Variants in STX8 observed in about 807,000 individuals in gnomAD.
STX8 encodes syntaxin-8.
STX8 carries 23 observed loss-of-function variants against 37.5 expected under a neutral mutation model. The observed-to-expected ratio is 0.61, with a 90% confidence interval of 0.44 to 0.87. The LOEUF (loss-of-function observed/expected upper bound fraction) is 0.87. STX8 is among the 40% of genes least tolerant of loss of function. The pLI, the probability that STX8 is intolerant of heterozygous loss-of-function variation, is 0.00. For synonymous variants in STX8, 115 were observed against 99.1 expected (o/e 1.16, Z -0.95); for missense variants, 313 against 284.7 (o/e 1.10, Z -0.71).
chr17:9,575,709 A>T, intron 1 of STX8, 83 bp downstream of exon 1: 1 of 1,505,072 alleles, frequency 6.6e-7, no homozygotes. Context: ...CACCAGCGGC[A>T]ATGCGAAGTG....
intron 6 of STX8, among the ~76,000 whole-genome samples, chr17:9,487,730 G>A (rs1005827039): frequency 1.3e-5 from 2 of 152,168 alleles, no homozygotes; most frequent in African/African-American, 2.4e-5. Context: ...CAGGGGAGGT[G>A]TGGGGGAAGC....
In STX8 at chr17:9,355,048, A is replaced by G. The variant is rs904735937; in HGVS notation, c.643+23504T>C. On this transcript the variant is annotated intron_variant, in intron 7 of 7. Coordinates refer to ENST00000306357, the MANE Select transcript of STX8 (RefSeq NM_004853.3). ...CTGTTGTCCCCTACCTCCCACCCCT[A>G]GGGAGGCAGAAACTTCTCTTTAACT... is the stretch of plus-strand genomic sequence containing the variant. 1.7e-4 allele frequency among the ~76,000 whole-genome samples: 26 copies of G among 152,246 alleles called. 1 individual carries two copies. Among genetic ancestry groups the G allele is most frequent in the African/African-American group, 6.3e-4 (26 of 41,558 alleles).
chr17:9,321,245 A>G (rs909267579), intron 7 of STX8, among the ~76,000 whole-genome samples: 1 of 152,104 alleles, frequency 6.6e-6, no homozygotes, highest in African/African-American at 2.4e-5. Flanking sequence ...AAAATCAAAA[A>G]TAGGCCAGGC....
intron 6 of STX8, among the ~76,000 whole-genome samples, chr17:9,488,234 G>A (rs1001659383): frequency 2.0e-5 from 3 of 151,876 alleles, no homozygotes; most frequent in African/African-American, 7.3e-5. Flanking sequence ...GCTGAATCAG[G>A]AGAATCGCTT....
At chr17:9,352,737 C>T (rs966825505) in intron 7 of STX8, among the ~76,000 whole-genome samples, 21 of 151,286 alleles carry the variant, frequency 1.4e-4, no homozygotes, top group Non-Finnish European at 1.0e-4. Flanking sequence ...CTCCTGACCT[C>T]GTGATCCACC....
chr17:9,279,241 G>A (rs1597580526), intron 7 of STX8, among the ~76,000 whole-genome samples: 1 of 151,966 alleles, frequency 6.6e-6, no homozygotes. Context: ...ATTTTTAGTA[G>A]AGACAGGGTT....
Position 9,378,593 on chromosome 17 carries a change from G to C in STX8, c.602C>G (p.Thr201Ser). Residue 201 changes from threonine (T) to serine (S), a missense_variant, in exon 7 of 8, where the codon ACC becomes AGC. Thr to Ser is a moderately conservative substitution (Grantham distance 58). Transcript: ENST00000306357. ...TCTGTCCACCATGTTTACCCGCCTG[G>C]TTTCATTGCGAAGTTTTTCATCTGT... is the stretch of plus-strand genomic sequence containing the variant. Reference protein sequence around the residue: ...ENTDEKLRNETRRVNMVDRKS... With the variant: ...ENTDEKLRNESRRVNMVDRKS... 1 of 1,613,830 alleles carries C rather than the reference G, an allele frequency of 6.2e-7. No individual in the cohort carries two copies. Among genetic ancestry groups the C allele is most frequent in the Non-Finnish European group, 8.5e-7 (1 of 1,179,822 alleles).
chr17:9,574,927 ATTC>A (rs933165726), intron 1 of STX8, among the ~76,000 whole-genome samples: 4 of 152,250 alleles, frequency 2.6e-5, no homozygotes, highest in Admixed American at 1.3e-4. Flanking sequence ...CTTGGAATCC[ATTC>A]TTCTAATATC....
In STX8 at chr17:9,545,230, G is replaced by A. The variant is rs550108459; in HGVS notation, c.265C>T (p.Arg89Ter). 4 of 1,614,058 alleles carry A rather than the reference G, an allele frequency of 2.5e-6. No homozygotes were observed. Among genetic ancestry groups the A allele is most frequent in the South Asian group, 2.2e-5 (2 of 91,072 alleles). ...RQNLLDDLVT[R>*]ERLLLASFKN... ...AAGGATGCCAGAAGTAGTCTCTCTCGAGTTACAAGATCATCCAAGAGGTTC... is the reference window on the plus strand; with the variant it reads ...AAGGATGCCAGAAGTAGTCTCTCTCAAGTTACAAGATCATCCAAGAGGTTC... The change falls in exon 4 of 8, where the codon CGA becomes TGA. Residue 89 changes from arginine (R) to a stop codon, truncating the protein, a stop_gained. Transcript: ENST00000306357. LOFTEE classifies it high-confidence loss of function.
intron 6 of STX8, among the ~76,000 whole-genome samples, chr17:9,381,995 A>G (rs1338072733): frequency 1.3e-5 from 2 of 151,752 alleles, no homozygotes; most frequent in African/African-American, 4.9e-5. Flanking sequence ...AAACAAACAA[A>G]CAATGTCCTA....
intron 6 of STX8, among the ~76,000 whole-genome samples, chr17:9,489,979 T>G (rs1906782530): frequency 6.6e-6 from 1 of 152,068 alleles, no homozygotes; most frequent in Non-Finnish European, 1.5e-5. Flanking sequence ...TGAGCCACCG[T>G]GCCCGGCCTA....
chr17:9,391,993 C>T (rs746734824), intron 6 of STX8, among the ~76,000 whole-genome samples: 20 of 152,114 alleles, frequency 1.3e-4, no homozygotes, highest in Non-Finnish European at 2.2e-4. Context: ...AGAAAACCAC[C>T]CAACTCCCAG....
chr17:9,338,126 T>C (rs1910199590), intron 7 of STX8, among the ~76,000 whole-genome samples: 1 of 148,826 alleles, frequency 6.7e-6, no homozygotes, highest in Non-Finnish European at 1.5e-5. Context: ...TGATCTTGGC[T>C]CATTGCAACC....
chr17:9,395,705 T>C (rs1481002401), intron 6 of STX8, among the ~76,000 whole-genome samples: 1 of 152,226 alleles, frequency 6.6e-6, no homozygotes, highest in African/African-American at 2.4e-5. Context: ...AGTGACAGGC[T>C]TTGGCCTTCT....
intron 6 of STX8, among the ~76,000 whole-genome samples, chr17:9,445,415 T>C (rs1904803943): frequency 6.8e-6 from 1 of 146,500 alleles, no homozygotes; most frequent in Non-Finnish European, 1.5e-5. Context: ...CACTCAGAGG[T>C]AGACAGTCCA....
At chr17:9,560,397 CA>C (rs36044353) in intron 2 of STX8, among the ~76,000 whole-genome samples, 85 of 93,378 alleles carry the variant, frequency 9.1e-4, no homozygotes, top group African/African-American at 3.6e-3. Flanking sequence ...GACTCCATCT[CA>C]AAAAAAAAAA....
Position 9,345,848 on chromosome 17 carries a change from C to CTTTTTTTTTTTTTTTTT in STX8, c.643+32687_643+32703dup, listed in dbSNP as rs545020159. ...CATTATACCTCCGGGTTATGCATTC[C>CTTTTTTTTTTTTTTTTT]TTTTTTTTTTTTTTTTTTTTGAGAT... is the stretch of plus-strand genomic sequence containing the variant. On this transcript the variant is annotated intron_variant, in intron 7 of 7. Coordinates refer to ENST00000306357, the MANE Select transcript of STX8 (RefSeq NM_004853.3). Among the ~76,000 whole-genome samples, 352 of 52,082 alleles carry CTTTTTTTTTTTTTTTTT rather than the reference C, an allele frequency of 6.8e-3. 82 individuals are homozygous for CTTTTTTTTTTTTTTTTT. Among genetic ancestry groups the CTTTTTTTTTTTTTTTTT allele is most frequent in the South Asian group, 9.7e-3 (10 of 1,030 alleles). 34.2% of individuals were successfully genotyped at this position (52,082 alleles called of 152,430 possible).
chr17:9,432,099 T>C lies in STX8; in HGVS notation c.542-53446A>G, dbSNP rs578149754. Among the ~76,000 whole-genome samples the C allele has an allele frequency of 2.0e-5, 3 of 152,328 alleles. No individual in the cohort carries two copies. The South Asian group carries it at 6.2e-4, about 32-fold the overall frequency. ...AAATTCTGATTCTAATGCTCGTTCTTGAAAGTTTGCTTCAAGCAGGAAAAC... is the reference window on the plus strand; with the variant it reads ...AAATTCTGATTCTAATGCTCGTTCTCGAAAGTTTGCTTCAAGCAGGAAAAC... On this transcript the variant is annotated intron_variant, in intron 6 of 7. Coordinates refer to ENST00000306357, the MANE Select transcript of STX8 (RefSeq NM_004853.3).
At chr17:9,402,597 G>T (rs1912661795) in intron 6 of STX8, among the ~76,000 whole-genome samples, 1 of 152,138 alleles carries the variant, frequency 6.6e-6, no homozygotes, top group Non-Finnish European at 1.5e-5. Context: ...ACTTGAAAAT[G>T]TCCCAATTTT....
Sources: allele counts gnomAD v4.1 joint callset (sites outside exome capture counted in the v4.1 genomes callset), GRCh38; gene constraint gnomAD v4.1.1; transcripts MANE v1.5; gene names NCBI Gene and HGNC (gene_info 2026-07-23, HGNC 2026-07-21).